The following PRKAG2 variants were observed in gnomAD, a reference collection of about 807,000 sequenced individuals.
PRKAG2 encodes protein kinase AMP-activated non-catalytic subunit gamma 2, also known as 5'-AMP-activated protein kinase subunit gamma-2.
In PRKAG2, 26 loss-of-function variants were observed where a neutral mutation model predicts 69.6. That is an observed-to-expected ratio of 0.37 (90% CI 0.27 to 0.52). The LOEUF is 0.52. PRKAG2 is among the 20% of genes least tolerant of loss of function. The pLI, the probability that PRKAG2 is intolerant of heterozygous loss-of-function variation, is 0.90. For synonymous variants in PRKAG2, 293 were observed against 285.0 expected, an observed-to-expected ratio of 1.03 and a Z score of -0.28; for missense variants, 557 against 740.0, an observed-to-expected ratio of 0.75 and a Z score of 2.87.
At chr7:151,797,401 C>T (rs2077608348) in intron 1 of PRKAG2, among the ~76,000 whole-genome samples, 1 of 152,122 alleles carries the variant, frequency 6.6e-6, no homozygotes. Flanking sequence ...GAGACACACC[C>T]TCCTCTACGT....
chr7:151,739,379 C>A (rs1348236205), intron 3 of PRKAG2, among the ~76,000 whole-genome samples: 2 of 152,220 alleles, frequency 1.3e-5, no homozygotes, highest in Admixed American at 1.3e-4. Flanking sequence ...TAACAACTGT[C>A]TACTTGGTGC....
At chr7:151,558,802 G>A in intron 15 of PRKAG2, 1 of 985,320 alleles carries the variant, frequency 1.0e-6, no homozygotes, top group Non-Finnish European at 1.2e-6. Context: ...TGATGGGAGG[G>A]GCATTGCAAT....
intron 11 of PRKAG2, chr7:151,566,562 C>G: frequency 4.4e-6 from 2 of 450,318 alleles, no homozygotes; most frequent in South Asian, 1.6e-5. Flanking sequence ...TCTACGGTTT[C>G]AAAAATCCAC....
At chr7:151,834,507 T>TA (rs146658971) in intron 1 of PRKAG2, among the ~76,000 whole-genome samples, 82,962 of 151,574 alleles carry the variant, frequency 0.55, 22,861 homozygotes, top group Middle Eastern at 0.61. Context: ...GGTTTCTGTT[T>TA]AAATAAAGGC....
chr7:151,733,133 ACTGT>A (rs1308354452), intron 3 of PRKAG2, among the ~76,000 whole-genome samples: 2 of 152,164 alleles, frequency 1.3e-5, no homozygotes, highest in Non-Finnish European at 2.9e-5. Context: ...CACGCCCAAC[ACTGT>A]CTGTGGGGCA....
chr7:151,733,150 G>C (rs892125285), intron 3 of PRKAG2, among the ~76,000 whole-genome samples: 3 of 152,226 alleles, frequency 2.0e-5, no homozygotes, highest in Admixed American at 2.0e-4. Context: ...GTGGGGCACA[G>C]GGCTCCCGCC....
chr7:151,808,945 G>A (rs1312227702), intron 1 of PRKAG2, among the ~76,000 whole-genome samples: 1 of 152,152 alleles, frequency 6.6e-6, no homozygotes, highest in Admixed American at 6.5e-5. Flanking sequence ...AGGCCTGGTG[G>A]GAGCACGGTT....
chr7:151,821,718 C>G (rs1330606092), intron 1 of PRKAG2, among the ~76,000 whole-genome samples: 1 of 152,200 alleles, frequency 6.6e-6, no homozygotes, highest in Non-Finnish European at 1.5e-5. Flanking sequence ...AATGCCTCTA[C>G]TCACCCTTTG....
intron 1 of PRKAG2, among the ~76,000 whole-genome samples, chr7:151,815,674 T>A (rs1237157339): frequency 6.6e-6 from 1 of 152,218 alleles, no homozygotes; most frequent in Non-Finnish European, 1.5e-5. Flanking sequence ...AGTTCCTTCC[T>A]TCGTGACACT....
At position 151,759,157 on chromosome 7, in the gene PRKAG2, T is replaced by G. The variant is rs370727762; in HGVS notation, c.466+21995A>C. ...CCCTCCCTACTTGGTTCTGGCCACA[T>G]TGACCAGCTCCCTGCAGGCTCAGAG... On this transcript the variant is annotated intron_variant, in intron 3 of 15. Coordinates refer to ENST00000287878, the MANE Select transcript of PRKAG2 (RefSeq NM_016203.4). Among the ~76,000 whole-genome samples the G allele has an allele frequency of 3.3e-5, 5 of 152,296 alleles. No individual in the cohort carries two copies. In the South Asian group the frequency reaches 8.3e-4, roughly 25 times the overall value.
intron 5 of PRKAG2, among the ~76,000 whole-genome samples, chr7:151,610,744 T>TC (rs1263574648): frequency 1.0e-5 from 1 of 96,858 alleles, no homozygotes; most frequent in African/African-American, 4.1e-5. Context: ...CTTTTCTTTT[T>TC]TTTTTTTTTT....
rs1354948439 is a variant in PRKAG2 at position 151,773,161 on chromosome 7, GGAAGC to G, written c.466+7986_466+7990del. Among the ~76,000 whole-genome samples, 12 of 132,070 alleles carry G rather than the reference GGAAGC, an allele frequency of 9.1e-5. No individual in the cohort carries two copies. In the East Asian group the frequency reaches 2.3e-3, roughly 25 times the overall value. The allele number at this position is 132,070 out of a possible 152,430, so 86.6% of individuals were successfully genotyped here. A position where few individuals can be genotyped will look rare whatever the true frequency, so the allele number is the denominator to read the frequency against. On this transcript the variant is annotated intron_variant, in intron 3 of 15. Coordinates refer to ENST00000287878, the MANE Select transcript of PRKAG2 (RefSeq NM_016203.4). ...GAAGGGAAGAAAGGAAGGAAGGAAG[GGAAGC>G]AAGGAAGGAAGGAAGGAAGGAAAGA...
At chr7:151,849,342 C>T (rs780453506) in intron 1 of PRKAG2, among the ~76,000 whole-genome samples, 38 of 152,198 alleles carry the variant, frequency 2.5e-4, no homozygotes, top group Admixed American at 1.4e-3. Context: ...CCTTCCCTTC[C>T]GCAGGAGTCC....
intron 4 of PRKAG2, among the ~76,000 whole-genome samples, chr7:151,659,770 T>C (rs920445777): frequency 6.6e-6 from 1 of 152,236 alleles, no homozygotes; most frequent in Non-Finnish European, 1.5e-5. Context: ...TTGAAGATAA[T>C]GTCTTTGATT....
At chr7:151,602,952 G>A (rs372961610) in intron 5 of PRKAG2, among the ~76,000 whole-genome samples, 68 of 152,354 alleles carry the variant, frequency 4.5e-4, no homozygotes, top group African/African-American at 1.6e-3. Flanking sequence ...CAGCCATGCA[G>A]AACTGTGAGT....
intron 5 of PRKAG2, among the ~76,000 whole-genome samples, chr7:151,602,666 G>A (rs1337780205): frequency 2.6e-5 from 4 of 152,090 alleles, no homozygotes; most frequent in African/African-American, 9.7e-5. Flanking sequence ...ATCATCTTAC[G>A]TTATTGATAT....
At chr7:151,742,887 A>G (rs2073998646) in intron 3 of PRKAG2, among the ~76,000 whole-genome samples, 1 of 152,152 alleles carries the variant, frequency 6.6e-6, no homozygotes, top group Non-Finnish European at 1.5e-5. Context: ...ATGAGGGACA[A>G]AGCTTTGGAT....
chr7:151,656,175 A>G (rs908140265), intron 4 of PRKAG2, among the ~76,000 whole-genome samples: 3 of 152,232 alleles, frequency 2.0e-5, no homozygotes, highest in Non-Finnish European at 4.4e-5. Flanking sequence ...TAAATTTGTT[A>G]TCTAATGAAT....
Position 151,844,795 on chromosome 7 carries a change from G to A in PRKAG2, c.114+31712C>T, listed in dbSNP as rs147011721. Among the ~76,000 whole-genome samples the A allele has an allele frequency of 1.8e-3, 277 of 152,260 alleles. 2 individuals carry two copies. The highest frequency in any genetic ancestry group is 3.1e-3 in the Admixed American group (47 of 15,290). On this transcript the variant is annotated intron_variant, in intron 1 of 15. Coordinates refer to ENST00000287878, the MANE Select transcript of PRKAG2 (RefSeq NM_016203.4). ...AAGCCCCGTGTCTAAAACAGTGCCC[G>A]GCACAAAGTAAAGGCTCAGTAAGTA...
Sources: allele counts gnomAD v4.1 joint callset (sites outside exome capture counted in the v4.1 genomes callset), GRCh38; gene constraint gnomAD v4.1.1; transcripts MANE v1.5; gene names NCBI Gene and HGNC (gene_info 2026-07-23, HGNC 2026-07-21).